The following ATXN2 variants were observed in gnomAD, a reference collection of about 807,000 sequenced individuals.
The protein encoded by ATXN2 is ataxin-2.
ATXN2 carries 37 observed loss-of-function variants against 138.6 expected under a neutral mutation model. The observed-to-expected ratio is 0.27, with a 90% CI of 0.21 to 0.35. The LOEUF (loss-of-function observed/expected upper bound fraction) is 0.35, where lower values mean the gene tolerates loss of function less well. Among genes scored for constraint, ATXN2 ranks in the 10% least tolerant of loss-of-function variants. The pLI, the probability that ATXN2 is intolerant of heterozygous loss-of-function variation, is 1.00. For missense variants in ATXN2, 1,216 were observed against 1,480.3 expected (o/e 0.82, Z 2.93); for synonymous variants, 549 against 543.7 (o/e 1.01, Z -0.13).
intron 1 of ATXN2, among the ~76,000 whole-genome samples, chr12:111,562,346 C>T (rs1204441086): frequency 6.6e-6 from 1 of 151,976 alleles, no homozygotes; most frequent in African/African-American, 2.4e-5. Flanking sequence ...CACTTGAGCC[C>T]AGGAGTTTGA....
At position 111,598,751 on chromosome 12, in the gene ATXN2, C is replaced by G; in HGVS notation, c.251+33G>C. On this transcript the variant is annotated intron_variant, in intron 1 of 24. Transcript: ENST00000673436. The surrounding 1 kb of genome is among the most constrained non-coding windows in gnomAD (Gnocchi z 4.5). Reference sequence around the variant, plus strand: ...GCCGCGGGGGAGGGGACGCCGGGCCCGGAGCGGAGGGGGCTGGGGTGCCGA... The same window carrying G: ...GCCGCGGGGGAGGGGACGCCGGGCCGGGAGCGGAGGGGGCTGGGGTGCCGA... The G allele has an allele frequency of 8.5e-7, 1 of 1,177,014 alleles. No homozygotes were observed. Among genetic ancestry groups the G allele is most frequent in the Non-Finnish European group, 1.0e-6 (1 of 953,036 alleles). 72.9% of individuals were successfully genotyped at this position (1,177,014 alleles called of 1,614,324 possible).
intron 18 of ATXN2, among the ~76,000 whole-genome samples, chr12:111,484,329 G>A (rs1877486711): frequency 1.4e-5 from 2 of 147,074 alleles, no homozygotes; most frequent in South Asian, 4.3e-4. Context: ...TATTGCCCAT[G>A]CTGCTCTCGA....
chr12:111,561,604 CGGGT>C (rs1428981963), intron 1 of ATXN2, among the ~76,000 whole-genome samples: 1 of 152,060 alleles, frequency 6.6e-6, no homozygotes, highest in Non-Finnish European at 1.5e-5. Flanking sequence ...GAGGCCAAGG[CGGGT>C]GGATCACCTG....
intron 1 of ATXN2, among the ~76,000 whole-genome samples, chr12:111,567,075 T>A (rs1290367219): frequency 6.6e-6 from 1 of 152,116 alleles, no homozygotes; most frequent in Non-Finnish European, 1.5e-5. Flanking sequence ...ATTGCTGCAA[T>A]CTCATGATAA....
chr12:111,506,177 G>A (rs1416608268), intron 14 of ATXN2, among the ~76,000 whole-genome samples: 1 of 152,140 alleles, frequency 6.6e-6, no homozygotes, highest in African/African-American at 2.4e-5. Context: ...GTAGATTAAC[G>A]GTTGCTTAGG....
chr12:111,507,757 T>C, intron 14 of ATXN2, among the ~76,000 whole-genome samples: 1 of 152,236 alleles, frequency 6.6e-6, no homozygotes, highest in East Asian at 1.9e-4. Context: ...AATCGGATGG[T>C]TGCTGCGTCT....
At chr12:111,583,835 T>C (rs1884165391) in intron 1 of ATXN2, among the ~76,000 whole-genome samples, 2 of 134,898 alleles carry the variant, frequency 1.5e-5, no homozygotes, top group Admixed American at 1.5e-4. Flanking sequence ...CCAGATAAAA[T>C]ACAAGATGCT....
chr12:111,530,999 TC>T (rs1277715041), intron 5 of ATXN2, among the ~76,000 whole-genome samples: 1 of 151,768 alleles, frequency 6.6e-6, no homozygotes, highest in African/African-American at 2.4e-5. Flanking sequence ...ATGCCTGTAA[TC>T]CCAGCTGCTC....
intron 14 of ATXN2, among the ~76,000 whole-genome samples, chr12:111,491,476 A>G (rs2135706011): frequency 6.6e-6 from 1 of 151,910 alleles, no homozygotes; most frequent in Admixed American, 6.6e-5. Context: ...CCTTCCCCCA[A>G]CTCCAGGTAC....
Position 111,599,265 on chromosome 12 carries a change from C to CGTT in ATXN2, c.-232_-231insAAC. The CGTT allele has an allele frequency of 8.6e-7, 1 of 1,159,680 alleles. No individual in the cohort carries two copies. Among genetic ancestry groups the CGTT allele is most frequent in the Non-Finnish European group, 1.1e-6 (1 of 945,252 alleles). The allele number at this position is 1,159,680 out of a possible 1,614,324, so 71.8% of individuals were successfully genotyped here. On this transcript the variant is annotated 5_prime_UTR_variant, in exon 1 of 25. Coordinates refer to ENST00000673436, the MANE Select transcript of ATXN2 (RefSeq NM_001372574.1). ...CGGGAGCCGGGCCGAAACGCGCCGC[C>CGTT]GCCGTTGCCGTTGCTACCAAAACAG... is the stretch of plus-strand genomic sequence containing the variant.
rs535742167 is a variant in ATXN2 at position 111,555,571 on chromosome 12, T to C, written c.288+312A>G. 2.8e-3 allele frequency among the ~76,000 whole-genome samples: 425 copies of C among 152,288 alleles called. 4 individuals carry two copies. The highest frequency in any genetic ancestry group is 9.6e-3 in the African/African-American group (399 of 41,562). On this transcript the variant is annotated intron_variant, in intron 2 of 24. Coordinates refer to ENST00000673436, the MANE Select transcript of ATXN2 (RefSeq NM_001372574.1). The stretch of plus-strand genomic sequence containing the variant: ...GATGTGTTTGCTTCCCCTTCCACCA[T>C]GATTGTAAGTTTCCTGAGGCCTCCC...
chr12:111,554,718 T>C (rs1260336432), intron 2 of ATXN2, among the ~76,000 whole-genome samples: 1 of 152,066 alleles, frequency 6.6e-6, no homozygotes, highest in Non-Finnish European at 1.5e-5. Flanking sequence ...TGAAAAGTGA[T>C]TTGAGGGATT....
intron 20 of ATXN2, chr12:111,469,829 G>C: frequency 2.4e-6 from 1 of 417,098 alleles, no homozygotes; most frequent in Non-Finnish European, 4.2e-6. Flanking sequence ...TGAGGAAGAG[G>C]AGAAAGGTAC....
chr12:111,583,828 G>C (rs952387818), intron 1 of ATXN2, among the ~76,000 whole-genome samples: 1 of 142,546 alleles, frequency 7.0e-6, no homozygotes, highest in African/African-American at 2.6e-5. Context: ...GGAGTTGCCA[G>C]ATAAAATACA....
intron 1 of ATXN2, among the ~76,000 whole-genome samples, chr12:111,560,331 A>C (rs1882612711): frequency 6.6e-6 from 1 of 152,218 alleles, no homozygotes; most frequent in South Asian, 2.1e-4. Context: ...CAAAGCATAC[A>C]GGAGGATGTG....
At chr12:111,571,658 A>AG (rs1215200030) in intron 1 of ATXN2, among the ~76,000 whole-genome samples, 1 of 152,170 alleles carries the variant, frequency 6.6e-6, no homozygotes, top group African/African-American at 2.4e-5. Flanking sequence ...GAGTTCTATT[A>AG]GGGGTCAGCA....
chr12:111,516,140 T>C lies in ATXN2; in HGVS notation c.1375+14A>G. On this transcript the variant is annotated intron_variant, in intron 10 of 24. Transcript: ENST00000673436. This position sits in a 1 kb window ranked among gnomAD's most constrained non-coding sequence, Gnocchi z 5.0. ...AAAGACAAACAAAAACATGAACAAA[T>C]TGTGGTATTGTACCTTCTGAAGACA... 2 of 1,586,676 alleles carry C rather than the reference T, an allele frequency of 1.3e-6. No homozygotes were observed. The highest frequency in any genetic ancestry group is 1.7e-6 in the Non-Finnish European group (2 of 1,167,890).
chr12:111,586,388 G>GTTTT (rs759694846), intron 1 of ATXN2, among the ~76,000 whole-genome samples: 1 of 114,862 alleles, frequency 8.7e-6, no homozygotes, highest in Non-Finnish European at 1.9e-5. Context: ...CCCAAGTCTG[G>GTTTT]TTTTTTTTTT....
chr12:111,596,394 C>G (rs1251935035), intron 1 of ATXN2, among the ~76,000 whole-genome samples: 1 of 148,430 alleles, frequency 6.7e-6, no homozygotes, highest in Non-Finnish European at 1.5e-5. Flanking sequence ...CACACAAAGT[C>G]AAATTATGAA....
Sources: gnomAD v4.1 joint callset for allele counts (sites outside exome capture counted in the v4.1 genomes callset) on GRCh38, gnomAD v4.1.1 for gene constraint, Gnocchi (gnomAD v3.1) non-coding constraint, MANE v1.5 for transcripts, NCBI Gene and HGNC (gene_info 2026-07-23, HGNC 2026-07-21) for gene names.